Variants in DIP2B observed in about 807,000 individuals in gnomAD.
The protein encoded by DIP2B is disco-interacting protein 2 homolog B.
DIP2B carries 76 observed loss-of-function variants against 198.0 expected under a neutral mutation model. That is an observed-to-expected ratio of 0.38 (90% CI 0.32 to 0.46). The LOEUF is 0.46. DIP2B is among the 20% of genes least tolerant of loss of function. DIP2B has a pLI of 0.99. For synonymous variants in DIP2B, 701 were observed against 739.1 expected, an observed-to-expected ratio of 0.95 and a Z score of 0.84; for missense variants, 1,559 against 1,978.4, an observed-to-expected ratio of 0.79 and a Z score of 4.02.
intron 1 of DIP2B, among the ~76,000 whole-genome samples, chr12:50,522,503 G>T (rs758524493): frequency 1.3e-4 from 20 of 152,110 alleles, no homozygotes; most frequent in Non-Finnish European, 2.2e-4. Context: ...AATTAAATGT[G>T]CCAGTTCACC....
At chr12:50,580,125 C>T (rs1242030347) in intron 1 of DIP2B, among the ~76,000 whole-genome samples, 2 of 148,922 alleles carry the variant, frequency 1.3e-5, no homozygotes, top group African/African-American at 4.9e-5. Context: ...GACTTGAATC[C>T]ACAGTGAGAC....
At chr12:50,642,006 G>A (rs1006482983) in intron 3 of DIP2B, among the ~76,000 whole-genome samples, 9 of 151,926 alleles carry the variant, frequency 5.9e-5, no homozygotes, top group African/African-American at 2.2e-4. Flanking sequence ...CTCAAAAACT[G>A]CTTTAGAGAA....
chr12:50,687,805 C>T (rs1038297402), intron 12 of DIP2B, among the ~76,000 whole-genome samples: 2 of 150,856 alleles, frequency 1.3e-5, no homozygotes, highest in Non-Finnish European at 2.9e-5. Flanking sequence ...ACCTAGATGA[C>T]GAGTTGATAG....
intron 2 of DIP2B, among the ~76,000 whole-genome samples, chr12:50,636,559 G>T (rs1938163222): frequency 2.0e-5 from 3 of 152,180 alleles, no homozygotes. Context: ...AAAAGGAGAG[G>T]TAGTAGATCC....
At chr12:50,515,347 C>T (rs940562698) in intron 1 of DIP2B, among the ~76,000 whole-genome samples, 15 of 152,080 alleles carry the variant, frequency 9.9e-5, no homozygotes, top group Admixed American at 9.8e-4. Flanking sequence ...AATTCTGCCT[C>T]AGCCTCCCAA....
chr12:50,647,694 A>G (rs1176070136), intron 3 of DIP2B, among the ~76,000 whole-genome samples: 1 of 152,164 alleles, frequency 6.6e-6, no homozygotes, highest in African/African-American at 2.4e-5. Flanking sequence ...CTCTGTCCCT[A>G]TCTGTCTGTC....
chr12:50,641,381 T>G (rs150590240), intron 3 of DIP2B, among the ~76,000 whole-genome samples: 1,612 of 152,148 alleles, frequency 0.011, 9 homozygotes, highest in Admixed American at 0.018. Flanking sequence ...GTTTCTGCCC[T>G]TAAGGAATGT....
At chr12:50,631,524 C>G (rs1236575630) in intron 2 of DIP2B, among the ~76,000 whole-genome samples, 1 of 152,072 alleles carries the variant, frequency 6.6e-6, no homozygotes, top group African/African-American at 2.4e-5. Context: ...CGTGCCCGGC[C>G]CTGATTCAAG....
rs182632602 is a variant in DIP2B, at chr12:50,708,574, T to C, written c.2649+12T>C. The C allele has an allele frequency of 1.3e-4, 211 of 1,573,884 alleles. No individual in the cohort carries two copies. The East Asian group carries it at 3.6e-3, about 27-fold the overall frequency. Reference sequence around the variant, plus strand: ...GCCGCGTGCTGCAGGTGAGCACACTTTGGGGTCTGTGTCAGGTCAGCGGTG... The same window carrying C: ...GCCGCGTGCTGCAGGTGAGCACACTCTGGGGTCTGTGTCAGGTCAGCGGTG... On this transcript the variant is annotated intron_variant, in intron 22 of 37. Coordinates refer to ENST00000301180, the MANE Select transcript of DIP2B (RefSeq NM_173602.3).
intron 9 of DIP2B, among the ~76,000 whole-genome samples, chr12:50,681,907 C>T (rs1448705615): frequency 6.6e-6 from 1 of 152,078 alleles, no homozygotes; most frequent in Non-Finnish European, 1.5e-5. Flanking sequence ...GTTTAAATGT[C>T]TTGTGGAATT....
intron 2 of DIP2B, among the ~76,000 whole-genome samples, chr12:50,630,807 G>A (rs763985219): frequency 2.6e-5 from 4 of 151,554 alleles, no homozygotes; most frequent in Non-Finnish European, 5.9e-5. Flanking sequence ...GCGTAGCTGG[G>A]ATTACAGGCA....
chr12:50,674,328 A>G, intron 5 of DIP2B, 146 bp from the exon 6 acceptor site: 1 of 814,722 alleles, frequency 1.2e-6, no homozygotes, highest in Non-Finnish European at 1.9e-6. Context: ...TCTTGCTAAT[A>G]GATTCTGATT....
chr12:50,574,791 G>A (rs1043072813), intron 1 of DIP2B, among the ~76,000 whole-genome samples: 8 of 152,212 alleles, frequency 5.3e-5, no homozygotes, highest in African/African-American at 1.9e-4. Flanking sequence ...GAAGTAGCCT[G>A]ACTAGGCCAA....
Position 50,747,963 on chromosome 12 carries a change from CCCAGTA to C in DIP2B, c.*3128_*3133del, listed in dbSNP as rs1565890213. On this transcript the variant is annotated 3_prime_UTR_variant, in exon 38 of 38. Transcript: ENST00000301180. ...CCTGCCTCATAAAGGGCCAGGTCTC[CCCAGTA>C]CCAAGTCCTTTCCTCATGAAGTTGT... The C allele has an allele frequency of 6.6e-6, 1 of 152,642 alleles. No homozygotes were observed. 9.5% of individuals were successfully genotyped at this position (152,642 alleles called of 1,614,324 possible).
chr12:50,684,564 G>A (rs1939101716), intron 10 of DIP2B, among the ~76,000 whole-genome samples: 1 of 152,168 alleles, frequency 6.6e-6, no homozygotes, highest in Non-Finnish European at 1.5e-5. Flanking sequence ...GGCCGAGGTG[G>A]GTGGATCACC....
chr12:50,650,590 C>T, intron 3 of DIP2B, among the ~76,000 whole-genome samples: 1 of 152,194 alleles, frequency 6.6e-6, no homozygotes, highest in East Asian at 1.9e-4. Flanking sequence ...TTATTTTACT[C>T]TGCACAGTGT....
At chr12:50,505,364 C>T in intron 1 of DIP2B, 124 bp downstream of exon 1, 1 of 714,774 alleles carries the variant, frequency 1.4e-6, no homozygotes, top group East Asian at 3.2e-5. Context: ...GAGAACCTGG[C>T]CTGGCGCTCC....
intron 12 of DIP2B, among the ~76,000 whole-genome samples, chr12:50,690,087 A>ATT (rs796347201): frequency 1.8e-4 from 25 of 140,270 alleles, no homozygotes; most frequent in African/African-American, 1.8e-4. Flanking sequence ...GGAACACTTA[A>ATT]TTTTTTTTTT....
intron 1 of DIP2B, among the ~76,000 whole-genome samples, chr12:50,582,257 T>A (rs144468099): frequency 3.9e-3 from 585 of 150,726 alleles, no homozygotes; most frequent in African/African-American, 0.014. Flanking sequence ...GTTCAAGTGA[T>A]TCTCCTGCCT....
Sources: allele counts gnomAD v4.1 joint callset (sites outside exome capture counted in the v4.1 genomes callset), GRCh38; gene constraint gnomAD v4.1.1; transcripts MANE v1.5; gene names NCBI Gene and HGNC (gene_info 2026-07-23, HGNC 2026-07-21).